The following KHDC4 variants were observed in gnomAD, a reference collection of about 807,000 sequenced individuals.
KHDC4 encodes KH domain containing 4, pre-mRNA splicing factor.
In KHDC4, 19 loss-of-function variants were observed where a neutral mutation model predicts 74.5. That is an observed-to-expected ratio of 0.26 (90% confidence interval 0.18 to 0.37). The LOEUF (loss-of-function observed/expected upper bound fraction) is 0.37, where lower values mean the gene tolerates loss of function less well. KHDC4 is among the 10% of genes least tolerant of loss of function. The pLI, the probability that KHDC4 is intolerant of heterozygous loss-of-function variation, is 1.00. For synonymous variants in KHDC4, 253 were observed against 266.1 expected (o/e 0.95, Z 0.48); for missense variants, 632 against 754.1 (o/e 0.84, Z 1.90).
chr1:155,917,475 G>C, intron 11 of KHDC4, 24 bp downstream of exon 11: 1 of 1,578,866 alleles, frequency 6.3e-7, no homozygotes, highest in Non-Finnish European at 8.7e-7. Flanking sequence ...GGTGAAGATA[G>C]GAAAACAGGG....
chr1:155,933,264 A>C (rs962989456), intron 2 of KHDC4, among the ~76,000 whole-genome samples: 1 of 151,836 alleles, frequency 6.6e-6, no homozygotes, highest in African/African-American at 2.4e-5. Context: ...AACACAAATT[A>C]TTATGCGATT....
At position 155,923,632 on chromosome 1, in the gene KHDC4, G is replaced by C; in HGVS notation, c.949C>G (p.Gln317Glu). The change falls in exon 8 of 14, where the codon CAA becomes GAA. Residue 317 changes from glutamine to glutamate, a missense_variant. By Grantham distance (29) the Gln-to-Glu change is conservative. Coordinates refer to ENST00000368321, the MANE Select transcript of KHDC4 (RefSeq NM_014949.4). ...ATCAGACAAATACAACTCACTGTTT[G>C]CAAAAGATTCTCACAAAGCTTCTTG... is the stretch of plus-strand genomic sequence containing the variant. The part of the protein sequence containing the change: ...AAKKLCENLL[Q>E]TVHAEYSRFV... The C allele has an allele frequency of 6.2e-7, 1 of 1,612,596 alleles. No individual in the cohort carries two copies. The highest frequency in any genetic ancestry group is 8.5e-7 in the Non-Finnish European group (1 of 1,178,598).
chr1:155,928,111 G>T (rs1674059048), intron 4 of KHDC4, among the ~76,000 whole-genome samples: 2 of 152,158 alleles, frequency 1.3e-5, no homozygotes, highest in Admixed American at 1.3e-4. Flanking sequence ...GGTGGCTCAT[G>T]CCTGTAATCC....
intron 11 of KHDC4, 57 bp downstream of exon 11, chr1:155,917,442 G>A: frequency 7.5e-7 from 1 of 1,337,966 alleles, no homozygotes; most frequent in Non-Finnish European, 1.1e-6. Flanking sequence ...CTTTTTTAAA[G>A]GGAGAATATA....
chr1:155,921,205 CAT>C (rs1397430047), intron 10 of KHDC4, 168 bp downstream of exon 10: 1 of 699,620 alleles, frequency 1.4e-6, no homozygotes, highest in Non-Finnish European at 2.4e-6. Flanking sequence ...GACATACACA[CAT>C]ACACACTAAT....
rs1266850333 is a variant in KHDC4 at position 155,921,483 on chromosome 1, T to C, written c.1158A>G (p.Pro386=). 1 of 1,614,104 alleles carries C rather than the reference T, an allele frequency of 6.2e-7. No individual in the cohort carries two copies. The highest frequency in any genetic ancestry group is 1.1e-5 in the South Asian group (1 of 91,080). ...PPYGVPSIVP[P]AVSLAPGVLP... ...AGACTCCAGGTGCTAATGAAACAGCTGGTGGCACTATGCTTGGTACTCCGT... is the reference window on the plus strand; with the variant it reads ...AGACTCCAGGTGCTAATGAAACAGCCGGTGGCACTATGCTTGGTACTCCGT... Residue 386 remains proline, a synonymous_variant, in exon 10 of 14, where the codon CCA becomes CCG. Transcript: ENST00000368321.
rs1461453673 is a variant in KHDC4, at chr1:155,914,122, T to C, written c.1844A>G (p.Ter615TrpextTer11). The change falls in exon 14 of 14, where the codon TAG becomes TGG. Residue 615 changes from the stop codon to tryptophan, a stop_lost. Coordinates refer to ENST00000368321, the MANE Select transcript of KHDC4 (RefSeq NM_014949.4). ...GTCAAAACTCTGTTCCACTGTTTCC[T>C]AGGGAGCCATCCAGAATGGCATCTG... The part of the protein sequence containing the change: ...KQQMPFWMAP[*>W] 1 of 1,613,162 alleles carries C rather than the reference T, an allele frequency of 6.2e-7. No individual in the cohort carries two copies. The highest frequency in any genetic ancestry group is 1.3e-5 in the African/African-American group (1 of 74,906).
rs187634770 is a variant in KHDC4 at position 155,928,738 on chromosome 1, G to A, written c.464+558C>T. Among the ~76,000 whole-genome samples the A allele has an allele frequency of 2.6e-3, 402 of 151,736 alleles. 3 individuals are homozygous for A. The highest frequency in any genetic ancestry group is 8.9e-3 in the African/African-American group (369 of 41,404). ...GAGGCCGAGGGGGGTGGATCACAAGGTCAGGAGATCAAGACCATCCTGGCT... is the reference window on the plus strand; with the variant it reads ...GAGGCCGAGGGGGGTGGATCACAAGATCAGGAGATCAAGACCATCCTGGCT... On this transcript the variant is annotated intron_variant, in intron 4 of 13. Coordinates refer to ENST00000368321, the MANE Select transcript of KHDC4 (RefSeq NM_014949.4).
At chr1:155,923,374 G>A (rs527378732) in intron 8 of KHDC4, among the ~76,000 whole-genome samples, 47 of 152,256 alleles carry the variant, frequency 3.1e-4, no homozygotes, top group African/African-American at 1.0e-3. Flanking sequence ...CAATGACCAG[G>A]TGCTAGGAGA....
At chr1:155,927,341 A>T (rs566399000) in intron 4 of KHDC4, among the ~76,000 whole-genome samples, 185 bp from the exon 5 acceptor site, 22 of 152,288 alleles carry the variant, frequency 1.4e-4, no homozygotes, top group African/African-American at 5.3e-4. Flanking sequence ...GAACAAATAA[A>T]CTTCTTGATT....
chr1:155,926,193 A>C (rs1673990377), intron 6 of KHDC4: 3 of 439,764 alleles, frequency 6.8e-6, no homozygotes, highest in African/African-American at 2.0e-5. Flanking sequence ...AATATGAAGA[A>C]ATGTGTGATC....
At chr1:155,923,161 C>T (rs923479430) in intron 8 of KHDC4, among the ~76,000 whole-genome samples, 1 of 150,806 alleles carries the variant, frequency 6.6e-6, no homozygotes, top group East Asian at 1.9e-4. Flanking sequence ...GCCGAGATCC[C>T]GCCACTGCAC....
chr1:155,931,883 T>C (rs1177992929), intron 2 of KHDC4, among the ~76,000 whole-genome samples: 1 of 152,236 alleles, frequency 6.6e-6, no homozygotes, highest in East Asian at 1.9e-4. Flanking sequence ...ATCATCTCAA[T>C]GAATCCTTAT....
At position 155,916,757 on chromosome 1, in the gene KHDC4, G is replaced by A; in HGVS notation, c.1441-20C>T. On this transcript the variant is annotated intron_variant, in intron 11 of 13. Transcript: ENST00000368321. ...TCCATGCTATGAGCAGAAAAATACA[G>A]TGGCATTAGCAAATCTACAACTGCC... 2 of 1,526,848 alleles carry A rather than the reference G, an allele frequency of 1.3e-6. No homozygotes were observed. Among genetic ancestry groups the A allele is most frequent in the South Asian group, 1.1e-5 (1 of 87,572 alleles). 94.6% of individuals were successfully genotyped at this position (1,526,848 alleles called of 1,614,324 possible).
chr1:155,922,481 T>G (rs1396395313), intron 8 of KHDC4, among the ~76,000 whole-genome samples: 1 of 152,170 alleles, frequency 6.6e-6, no homozygotes, highest in Non-Finnish European at 1.5e-5. Flanking sequence ...CTATAAATTA[T>G]TAAGCCAATT....
intron 11 of KHDC4, 52 bp from the exon 12 acceptor site, chr1:155,916,789 A>AAAT (rs1673740570): frequency 1.7e-6 from 2 of 1,194,692 alleles, no homozygotes; most frequent in Non-Finnish European, 2.5e-6. Flanking sequence ...TGCCGTATTG[A>AAAT]CTTTAGCTCC....
intron 6 of KHDC4, chr1:155,926,325 CTTTTTTT>C (rs34342755): frequency 1.7e-5 from 3 of 175,482 alleles, no homozygotes; most frequent in Non-Finnish European, 3.0e-5. Context: ...TTACTTGGCA[CTTTTTTT>C]TTTTTTTTTT....
chr1:155,917,568 G>C lies in KHDC4; in HGVS notation c.1371C>G (p.Pro457=). 6.2e-7 allele frequency: 1 copy of C among 1,611,650 alleles called. No individual in the cohort carries two copies. ...PQPQPPLPSQ[P]QAQKRRFTEE... ...CTGTGAATCGTCTCTTCTGTGCCTG[G>C]GGCTGACTTGGGAGTGGGGGCTGGG... The change falls in exon 11 of 14, where the codon CCC becomes CCG. Residue 457 remains proline (P), a synonymous_variant. Coordinates refer to ENST00000368321, the MANE Select transcript of KHDC4 (RefSeq NM_014949.4).
rs1367304560 is a variant in KHDC4 at position 155,929,821 on chromosome 1, C to A, written c.275G>T (p.Gly92Val). The change falls in exon 3 of 14, where the codon GGC (glycine) becomes GTC (valine). Residue 92 changes from glycine (G) to valine (V), a missense_variant. Physicochemically the swap from Gly to Val is moderately radical, Grantham distance 109. Around this residue, in one of 4 missense-constraint regions of KHDC4, gnomAD observed 233 missense variants for 342.6 expected, o/e 0.68. Coordinates refer to ENST00000368321, the MANE Select transcript of KHDC4 (RefSeq NM_014949.4). ...ASEKLQAPGKGLTSNKSKDDL... is the reference protein window; with the variant it reads ...ASEKLQAPGKVLTSNKSKDDL... ...ATCCTTGCTTTTATTGCTAGTTAGG[C>A]CTTTGCCAGGAGCCTGAAGCTAGAA... 1 of 1,598,854 alleles carries A rather than the reference C, an allele frequency of 6.3e-7. No homozygotes were observed. The highest frequency in any genetic ancestry group is 1.3e-5 in the African/African-American group (1 of 74,358).
Sources: gnomAD v4.1 joint callset for allele counts (sites outside exome capture counted in the v4.1 genomes callset) on GRCh38, gnomAD v4.1.1 for gene constraint, gnomAD v4.1.1 regional missense constraint, MANE v1.5 for transcripts, NCBI Gene and HGNC (gene_info 2026-07-23, HGNC 2026-07-21) for gene names.